NSD2: variants seen among roughly 807,000 people sequenced by gnomAD.
NSD2 encodes nuclear receptor binding SET domain protein 2, also known as histone-lysine N-methyltransferase NSD2.
In NSD2, 12 loss-of-function variants were observed where a neutral mutation model predicts 139.0. That is an observed-to-expected ratio of 0.09 (90% confidence interval 0.06 to 0.14). The LOEUF (loss-of-function observed/expected upper bound fraction) is 0.14. NSD2 is among the 10% of genes least tolerant of loss of function. The pLI is 1.00. For synonymous variants in NSD2, 669 were observed against 648.7 expected, an observed-to-expected ratio of 1.03 and a Z score of -0.48; for missense variants, 1,155 against 1,745.0, an observed-to-expected ratio of 0.66 and a Z score of 6.02.
At chr4:1,966,205 G>C (rs1725866739) in intron 18 of NSD2, among the ~76,000 whole-genome samples, 1 of 152,204 alleles carries the variant, frequency 6.6e-6, no homozygotes, top group African/African-American at 2.4e-5. Context: ...AGAGGTAATG[G>C]AGAGAAGTCT....
Position 1,951,037 on chromosome 4 carries a change from A to G in NSD2, c.1882-35A>G, listed in dbSNP as rs768489379. The G allele has an allele frequency of 5.0e-6, 8 of 1,611,874 alleles. No individual in the cohort carries two copies. In the African/African-American group the frequency reaches 1.1e-4, roughly 22 times the overall value. ...GCATGGCCACCCGCTGTGTTCTGCG[A>G]CTAGTGAACTGTCATCCGCCTCCTT... On this transcript the variant is annotated intron_variant, in intron 9 of 21. Coordinates refer to ENST00000508803, the MANE Select transcript of NSD2 (RefSeq NM_001042424.3).
chr4:1,982,103 T>C lies in NSD2; in HGVS notation c.*3194T>C. 2.5e-6 allele frequency: 1 copy of C among 396,852 alleles called. No individual in the cohort carries two copies. Among genetic ancestry groups the C allele is most frequent in the Non-Finnish European group, 4.4e-6 (1 of 225,494 alleles). The allele number at this position is 396,852 out of a possible 1,614,324, so 24.6% of individuals were successfully genotyped here. ...TATACTGAAATAGAGAGTTGAGACT[T>C]GCCAGTTGGGGGAAAATAGCATTTA... is the stretch of plus-strand genomic sequence containing the variant. On this transcript the variant is annotated 3_prime_UTR_variant, in exon 22 of 22. Coordinates refer to ENST00000508803, the MANE Select transcript of NSD2 (RefSeq NM_001042424.3).
intron 15 of NSD2, among the ~76,000 whole-genome samples, chr4:1,957,224 A>T (rs1468920920): frequency 6.6e-6 from 1 of 151,156 alleles, no homozygotes; most frequent in Admixed American, 6.6e-5. Flanking sequence ...GCTTGAGCCT[A>T]TGGTTAATCT....
intron 18 of NSD2, among the ~76,000 whole-genome samples, chr4:1,968,526 T>A (rs1362145110): frequency 1.3e-5 from 2 of 152,126 alleles, no homozygotes; most frequent in African/African-American, 4.8e-5. Flanking sequence ...AAGGTGTAAC[T>A]TCCACACCAT....
At chr4:1,960,789 G>A (rs546739740) in intron 17 of NSD2, among the ~76,000 whole-genome samples, 2 of 152,334 alleles carry the variant, frequency 1.3e-5, no homozygotes, top group South Asian at 4.1e-4. Context: ...AGGTCGTGTA[G>A]GAAGCAAGGG....
intron 16 of NSD2, 34 bp from the exon 17 acceptor site, chr4:1,959,437 G>A (rs201695295): frequency 1.2e-6 from 2 of 1,601,778 alleles, no homozygotes; most frequent in East Asian, 2.2e-5. Context: ...AGGCTCTCAT[G>A]TGTGGACCAA....
At chr4:1,940,899 C>T in intron 9 of NSD2, 1 of 1,057,312 alleles carries the variant, frequency 9.5e-7, no homozygotes, top group Non-Finnish European at 1.1e-6. Flanking sequence ...ACTCTGAATC[C>T]TCAGCGACCA....
intron 5 of NSD2, among the ~76,000 whole-genome samples, chr4:1,929,283 G>A (rs1329041842): frequency 6.6e-6 from 1 of 152,178 alleles, no homozygotes; most frequent in Non-Finnish European, 1.5e-5. Context: ...GGAGGGGTTT[G>A]GGTTTGGGGG....
intron 5 of NSD2, 190 bp downstream of exon 5, chr4:1,918,813 C>A: frequency 1.3e-6 from 1 of 753,096 alleles, no homozygotes; most frequent in Non-Finnish European, 2.0e-6. Context: ...TCGACTTGCA[C>A]TCTGGGGTCT....
chr4:1,939,534 G>T, intron 8 of NSD2, 120 bp from the exon 9 acceptor site: 1 of 1,055,148 alleles, frequency 9.5e-7, no homozygotes, highest in Non-Finnish European at 1.4e-6. Context: ...TAAGCCAGAA[G>T]GACAAAGGAA....
chr4:1,940,065 G>A, intron 9 of NSD2: 4 of 1,287,518 alleles, frequency 3.1e-6, no homozygotes, highest in Non-Finnish European at 4.0e-6. Flanking sequence ...TCTGTCTGAA[G>A]AATGTTGTGT....
intron 3 of NSD2, among the ~76,000 whole-genome samples, chr4:1,911,592 A>G (rs1718681501): frequency 1.4e-5 from 2 of 142,306 alleles, no homozygotes; most frequent in South Asian, 4.6e-4. Flanking sequence ...CATCTCAAAA[A>G]AAAAAAAAAA....
intron 1 of NSD2, among the ~76,000 whole-genome samples, chr4:1,884,060 T>G (rs1214578154): frequency 6.6e-6 from 1 of 152,192 alleles, no homozygotes; most frequent in Non-Finnish European, 1.5e-5. Context: ...ATGAGACTAC[T>G]GAGAAAGTTG....
At chr4:1,897,003 C>G (rs1414326113) in intron 1 of NSD2, among the ~76,000 whole-genome samples, 1 of 151,466 alleles carries the variant, frequency 6.6e-6, no homozygotes, top group Non-Finnish European at 1.5e-5. Flanking sequence ...AGACTTTGTA[C>G]AAAAACACAA....
intron 1 of NSD2, among the ~76,000 whole-genome samples, chr4:1,887,326 CT>C (rs953314804): frequency 2.6e-5 from 4 of 151,438 alleles, no homozygotes; most frequent in African/African-American, 7.3e-5. Context: ...ACATGTTCTT[CT>C]TTTTTTTTAA....
At position 1,871,539 on chromosome 4, in the gene NSD2, G is replaced by C. The variant is rs1277144341; in HGVS notation, c.-33G>C. Reference sequence around the variant, plus strand: ...CCGCCCGCCGAGGATGCGACGCACCGCAGGTCACTGGGGCGCCCGCCCAAC... The same window carrying C: ...CCGCCCGCCGAGGATGCGACGCACCCCAGGTCACTGGGGCGCCCGCCCAAC... On this transcript the variant is annotated 5_prime_UTR_variant, in exon 1 of 22. Coordinates refer to ENST00000508803, the MANE Select transcript of NSD2 (RefSeq NM_001042424.3). 1 of 151,396 alleles carries C rather than the reference G, an allele frequency of 6.6e-6. No individual in the cohort carries two copies. The highest frequency in any genetic ancestry group is 6.6e-5 in the Admixed American group (1 of 15,144). The allele number at this position is 151,396 out of a possible 1,614,324, so 9.4% of individuals were successfully genotyped here.
chr4:1,942,306 A>G lies in NSD2; in HGVS notation c.1881+2528A>G. ...CATTTTTTATTCCTTTAGTAGAGCA[A>G]ATTCTTATTTTTTTCGCCTTCACTG... On this transcript the variant is annotated intron_variant, in intron 9 of 21. Transcript: ENST00000508803. This position sits in a 1 kb window ranked among gnomAD's most constrained non-coding sequence, Gnocchi z 4.0. 3 of 1,610,356 alleles carry G rather than the reference A, an allele frequency of 1.9e-6. No individual in the cohort carries two copies. Among genetic ancestry groups the G allele is most frequent in the Non-Finnish European group, 2.5e-6 (3 of 1,179,010 alleles).
rs550809903 is a variant in NSD2 at position 1,951,320 on chromosome 4, G to A, written c.2013+117G>A. 8.5e-5 allele frequency: 119 copies of A among 1,393,524 alleles called. 1 individual carries two copies. In the Middle Eastern group the frequency reaches 1.3e-3, roughly 15 times the overall value. The allele number at this position is 1,393,524 out of a possible 1,614,324, so 86.3% of individuals were successfully genotyped here. A position where few individuals can be genotyped will look rare whatever the true frequency, so the allele number is the denominator to read the frequency against. On this transcript the variant is annotated intron_variant, in intron 10 of 21. Transcript: ENST00000508803. ...ACCAGACCCCTTCCCCAATCTCACC[G>A]TCACTCACTCATCTCTGTTTTGAAG...
At chr4:1,881,795 GT>G (rs1714725408) in intron 1 of NSD2, among the ~76,000 whole-genome samples, 1 of 152,168 alleles carries the variant, frequency 6.6e-6, no homozygotes, top group African/African-American at 2.4e-5. Context: ...TAATAGGGAG[GT>G]TATACCTGAC....
Sources: allele counts gnomAD v4.1 joint callset (sites outside exome capture counted in the v4.1 genomes callset), GRCh38; gene constraint gnomAD v4.1.1; non-coding constraint Gnocchi (gnomAD v3.1); transcripts MANE v1.5; gene names NCBI Gene and HGNC (gene_info 2026-07-23, HGNC 2026-07-21).